The following SORBS2 variants were observed in gnomAD, a reference collection of about 807,000 sequenced individuals.
The protein encoded by SORBS2 is sorbin and SH3 domain-containing protein 2.
A neutral mutation model predicts 97.7 loss-of-function variants in SORBS2; 46 were observed. The observed-to-expected ratio is 0.47, with a 90% confidence interval of 0.37 to 0.60. The LOEUF is 0.60. Among genes scored for constraint, SORBS2 ranks in the 20% least tolerant of loss-of-function variants. The probability of loss-of-function intolerance (pLI) is 0.00; values close to 1 mark genes in which losing one functional copy is unlikely to be tolerated. For missense variants in SORBS2, 1,316 were observed against 1,282.3 expected, an observed-to-expected ratio of 1.03 and a Z score of -0.40; for synonymous variants, 476 against 473.4, an observed-to-expected ratio of 1.01 and a Z score of -0.07.
At chr4:185,799,394 G>A (rs1399433316) in intron 1 of SORBS2, among the ~76,000 whole-genome samples, 3 of 152,214 alleles carry the variant, frequency 2.0e-5, no homozygotes, top group East Asian at 1.9e-4. Flanking sequence ...GTAGCAAACC[G>A]GGTAGTGGGA....
chr4:185,832,811 G>C (rs970045185), intron 1 of SORBS2, among the ~76,000 whole-genome samples: 2 of 152,142 alleles, frequency 1.3e-5, no homozygotes, highest in Admixed American at 1.3e-4. Context: ...TCCCCATAAA[G>C]GACTTTGAGA....
At position 185,871,298 on chromosome 4, in the gene SORBS2, A is replaced by C. The variant is rs962663341; in HGVS notation, c.-338+84898T>G. Among the ~76,000 whole-genome samples, 14 of 152,362 alleles carry C rather than the reference A, an allele frequency of 9.2e-5. No individual in the cohort carries two copies. The East Asian group carries it at 2.5e-3, about 27-fold the overall frequency. On this transcript the variant is annotated intron_variant, in intron 1 of 20. Coordinates refer to the SORBS2 transcript ENST00000284776. Reference sequence around the variant, plus strand: ...GAATACCGAGGACATGAAGCTCAGAAAAACACTAAGCCCATGAAACAAAGA... The same window carrying C: ...GAATACCGAGGACATGAAGCTCAGACAAACACTAAGCCCATGAAACAAAGA...
At position 185,806,597 on chromosome 4, in the gene SORBS2, A is replaced by G. The variant is rs377226317; in HGVS notation, c.-337-31231T>C. On this transcript the variant is annotated intron_variant, in intron 1 of 20. Coordinates refer to the SORBS2 transcript ENST00000284776. ...CTCAGCCTCCCGAGTAGCTGGGACT[A>G]CAGGCGCCCGCCACTACGCCCGGCT... 1.3e-4 allele frequency among the ~76,000 whole-genome samples: 20 copies of G among 150,242 alleles called. No homozygotes were observed. The East Asian group carries it at 2.2e-3, about 16-fold the overall frequency.
At chr4:185,868,159 C>CTTTCTTTTT (rs59057506) in intron 1 of SORBS2, among the ~76,000 whole-genome samples, 7 of 105,222 alleles carry the variant, frequency 6.7e-5, no homozygotes, top group African/African-American at 2.7e-4. Context: ...TTTTTTCTTT[C>CTTTCTTTTT]TTTTTTTTTT....
intron 2 of SORBS2, among the ~76,000 whole-genome samples, chr4:185,701,917 C>T (rs28369184): frequency 0.33 from 50,373 of 151,812 alleles, 8,965 homozygotes; most frequent in Non-Finnish European, 0.4. Flanking sequence ...ACTACAGGCA[C>T]GTGCCAGCAC....
At chr4:185,612,215 G>T (rs932585460) in intron 11 of SORBS2, among the ~76,000 whole-genome samples, 1 of 152,174 alleles carries the variant, frequency 6.6e-6, no homozygotes, top group African/African-American at 2.4e-5. Context: ...CCCTAAGGAT[G>T]CCTGATTAAT....
intron 1 of SORBS2, among the ~76,000 whole-genome samples, chr4:185,816,840 G>A (rs989087512): frequency 3.3e-5 from 5 of 152,296 alleles, no homozygotes; most frequent in African/African-American, 7.2e-5. Flanking sequence ...TGATAAGAAC[G>A]TAAACATCAG....
chr4:185,715,669 A>T lies in SORBS2; in HGVS notation c.-197-36847T>A, dbSNP rs1218385162. 2.6e-5 allele frequency among the ~76,000 whole-genome samples: 4 copies of T among 152,204 alleles called. No individual in the cohort carries two copies. The East Asian group carries it at 7.7e-4, about 29-fold the overall frequency. ...TATGTAGCGAGTAGAACATTTCTGG[A>T]ACTCAACAACTTGAAATACAACAGA... On this transcript the variant is annotated intron_variant, in intron 2 of 20. Coordinates refer to the SORBS2 transcript ENST00000284776.
intron 4 of SORBS2, chr4:185,665,855 G>A (rs1277338553): frequency 1.7e-6 from 2 of 1,163,166 alleles, no homozygotes; most frequent in Non-Finnish European, 2.2e-6. Flanking sequence ...AGCTCCTCCA[G>A]CATGGCTGTG....
At chr4:185,890,652 C>T (rs2099242023) in intron 1 of SORBS2, among the ~76,000 whole-genome samples, 1 of 152,216 alleles carries the variant, frequency 6.6e-6, no homozygotes, top group Non-Finnish European at 1.5e-5. Flanking sequence ...AGGCCAGATG[C>T]TTTCTGGTGC....
In SORBS2 at chr4:185,606,058, TC is replaced by T; in HGVS notation, c.2796+5721del. ...CGAAAGGGGACAGAAGTGCTGTTTT[TC>T]TTTTCTGTTGTCTTTGTTTATTATT... On this transcript the variant is annotated intron_variant, in intron 12 of 14. Coordinates refer to ENST00000418609, the Ensembl canonical transcript of SORBS2. This position sits in a 1 kb window ranked among gnomAD's most constrained non-coding sequence, Gnocchi z 4.3. 1.0e-6 allele frequency: 1 copy of T among 982,610 alleles called. No homozygotes were observed. The highest frequency in any genetic ancestry group is 1.2e-6 in the Non-Finnish European group (1 of 827,338). 60.9% of individuals were successfully genotyped at this position (982,610 alleles called of 1,614,324 possible).
chr4:185,755,360 T>G (rs1192111534), intron 2 of SORBS2, among the ~76,000 whole-genome samples: 1 of 152,248 alleles, frequency 6.6e-6, no homozygotes, highest in Non-Finnish European at 1.5e-5. Context: ...CACTGTCACT[T>G]GGAATGTGAC....
intron 1 of SORBS2, among the ~76,000 whole-genome samples, chr4:185,832,859 G>C (rs907655614): frequency 6.6e-6 from 1 of 152,142 alleles, no homozygotes; most frequent in Admixed American, 6.5e-5. Flanking sequence ...GTTGGAGACC[G>C]TTTCTGAACA....
At chr4:185,664,846 C>G (rs77494416) in intron 4 of SORBS2, among the ~76,000 whole-genome samples, 1 of 151,926 alleles carries the variant, frequency 6.6e-6, no homozygotes, top group African/African-American at 2.4e-5. Flanking sequence ...AGTGCTTATT[C>G]GGAACTTCAT....
intron 1 of SORBS2, among the ~76,000 whole-genome samples, chr4:185,943,103 A>G (rs1049471801): frequency 3.3e-5 from 5 of 152,352 alleles, no homozygotes; most frequent in Admixed American, 3.3e-4. Flanking sequence ...CTGATGAAAC[A>G]GATTTGGATT....
chr4:185,846,354 A>G (rs937765379), intron 1 of SORBS2, among the ~76,000 whole-genome samples: 1 of 152,216 alleles, frequency 6.6e-6, no homozygotes, highest in African/African-American at 2.4e-5. Flanking sequence ...ATAAAACTAT[A>G]GGGACAGAAA....
chr4:185,912,519 A>G (rs1199465956), intron 1 of SORBS2, among the ~76,000 whole-genome samples: 6 of 126,340 alleles, frequency 4.7e-5, no homozygotes, highest in African/African-American at 1.8e-4. Context: ...CAGGAGGTGG[A>G]GGTTGCAGTG....
At chr4:185,899,814 A>G (rs368883199) in intron 1 of SORBS2, among the ~76,000 whole-genome samples, 28 of 152,340 alleles carry the variant, frequency 1.8e-4, no homozygotes, top group Middle Eastern at 3.4e-3. Context: ...AGTCATAAGC[A>G]CTCAGCAAAT....
At chr4:185,747,888 G>T (rs2098773363) in intron 2 of SORBS2, among the ~76,000 whole-genome samples, 2 of 152,138 alleles carry the variant, frequency 1.3e-5, no homozygotes, top group Non-Finnish European at 2.9e-5. Flanking sequence ...CTACTTGGGA[G>T]GCTGAGGCAG....
Sources: gnomAD v4.1 joint callset for allele counts (sites outside exome capture counted in the v4.1 genomes callset) on GRCh38, gnomAD v4.1.1 for gene constraint, Gnocchi (gnomAD v3.1) non-coding constraint, MANE v1.5 for transcripts, NCBI Gene and HGNC (gene_info 2026-07-23, HGNC 2026-07-21) for gene names.